Variants in LRP1 observed in about 807,000 individuals in gnomAD.
The protein encoded by LRP1 is prolow-density lipoprotein receptor-related protein 1.
A neutral mutation model predicts 541.5 loss-of-function variants in LRP1; 51 were observed. The ratio of observed to expected loss-of-function variants is 0.09; its 90% CI spans 0.08 to 0.12. The LOEUF (loss-of-function observed/expected upper bound fraction) is 0.12. Among genes scored for constraint, LRP1 ranks in the 10% least tolerant of loss-of-function variants. The pLI, the probability that LRP1 is intolerant of heterozygous loss-of-function variation, is 1.00. For synonymous variants in LRP1, 2,219 were observed against 2,470.8 expected (o/e 0.90, Z 3.02); for missense variants, 3,878 against 6,376.2 (o/e 0.61, Z 13.34).
At chr12:57,129,245 C>A in intron 1 of LRP1, 1 of 578,264 alleles carries the variant, frequency 1.7e-6, no homozygotes, top group South Asian at 2.1e-5. Context: ...CCCCCCAGCA[C>A]AAACAAAGAC....
At chr12:57,188,245 C>A (rs1315528025) in intron 42 of LRP1, among the ~76,000 whole-genome samples, 1 of 152,214 alleles carries the variant, frequency 6.6e-6, no homozygotes, top group East Asian at 1.9e-4. Context: ...GCTGTTTGGG[C>A]CTCTAGTGAG....
chr12:57,187,513 A>G, intron 42 of LRP1, 57 bp downstream of exon 42: 2 of 1,551,862 alleles, frequency 1.3e-6, no homozygotes, highest in Non-Finnish European at 1.7e-6. Context: ...GGGGTGGCAG[A>G]AACTCCCCAG....
chr12:57,150,317 G>A (rs991411523), intron 6 of LRP1, among the ~76,000 whole-genome samples: 6 of 149,640 alleles, frequency 4.0e-5, no homozygotes, highest in South Asian at 4.3e-4. Flanking sequence ...TCAGGCTCCC[G>A]AGTAGCTAGG....
Position 57,167,018 on chromosome 12 carries a change from G to T in LRP1, c.2886G>T (p.Gly962=), listed in dbSNP as rs773467352. 1.3e-5 allele frequency: 21 copies of T among 1,614,114 alleles called. No homozygotes were observed. Among genetic ancestry groups the T allele is most frequent in the Non-Finnish European group, 1.8e-5 (21 of 1,180,004 alleles). Residue 962 remains glycine, a synonymous_variant, in exon 18 of 89, where the codon GGG becomes GGT. Transcript: ENST00000243077. ...SWTCDLDDDC[G]DRSDESASCA... is the part of the protein sequence containing the mutation. ...CGTGTGATCTGGATGACGACTGTGG[G>T]GACCGCTCTGATGAGTCTGCTTCGT...
At chr12:57,195,198 G>T in intron 51 of LRP1, 73 bp from the exon 52 acceptor site, 1 of 1,595,174 alleles carries the variant, frequency 6.3e-7, no homozygotes. Context: ...AGACGACGGC[G>T]AACCATCACC....
Position 57,169,025 on chromosome 12 carries a change from G to C in LRP1, c.2996-115G>C, listed in dbSNP as rs562440304. On this transcript the variant is annotated intron_variant, in intron 19 of 88. Coordinates refer to ENST00000243077, the MANE Select transcript of LRP1 (RefSeq NM_002332.3). ...TTTTCTGTTTGTTATTTTCCCAGTGGGGGGGTTAGGGTGGGCTGAGGGTGG... is the reference window on the plus strand; with the variant it reads ...TTTTCTGTTTGTTATTTTCCCAGTGCGGGGGTTAGGGTGGGCTGAGGGTGG... The C allele has an allele frequency of 8.6e-6, 7 of 817,272 alleles. No individual in the cohort carries two copies. In the Admixed American group the frequency reaches 1.1e-4, roughly 13 times the overall value. The allele number at this position is 817,272 out of a possible 1,614,324, so 50.6% of individuals were successfully genotyped here.
chr12:57,181,107 C>T (rs1226754361), intron 33 of LRP1, 50 bp from the exon 34 acceptor site: 15 of 1,592,062 alleles, frequency 9.4e-6, no homozygotes, highest in Non-Finnish European at 1.3e-5. Flanking sequence ...ACCCTGAGGT[C>T]CCAAGGAGGG....
rs761379473 is a variant in LRP1 at position 57,205,143 on chromosome 12, CAAG to C, written c.11233_11235del (p.Lys3745del). ...CAGCCCACACCACCCACTGCAAAGA[CAAG>C]AAGGAGTTTCTGTGCCGGAACCAGC... is the stretch of plus-strand genomic sequence containing the variant. On this transcript the variant is annotated inframe_deletion, in exon 73 of 89. Transcript: ENST00000243077. This position sits in a 1 kb window ranked among gnomAD's most constrained non-coding sequence, Gnocchi z 4.6. The C allele has an allele frequency of 1.3e-5, 21 of 1,613,986 alleles. No individual in the cohort carries two copies. Among genetic ancestry groups the C allele is most frequent in the Non-Finnish European group, 1.6e-5 (19 of 1,179,996 alleles).
intron 1 of LRP1, among the ~76,000 whole-genome samples, chr12:57,136,369 C>G (rs954451732): frequency 6.6e-6 from 1 of 150,662 alleles, no homozygotes; most frequent in Non-Finnish European, 1.5e-5. Flanking sequence ...CAGTGAGGCT[C>G]CCATCAGACT....
In LRP1 at chr12:57,158,365, G is replaced by A. The variant is rs778944310; in HGVS notation, c.1562-37G>A. 4 of 1,526,862 alleles carry A rather than the reference G, an allele frequency of 2.6e-6. No homozygotes were observed. The South Asian group carries it at 3.6e-5, about 14-fold the overall frequency. The allele number at this position is 1,526,862 out of a possible 1,614,324, so 94.6% of individuals were successfully genotyped here. ...CCCTGGGTGGGGATGATGGTCATGT[G>A]TGTGTCTGACTGTACCCTGGCTTGT... On this transcript the variant is annotated intron_variant, in intron 10 of 88. Transcript: ENST00000243077. The surrounding 1 kb of genome is among the most constrained non-coding windows in gnomAD (Gnocchi z 5.3).
intron 31 of LRP1, 24 bp downstream of exon 31, chr12:57,180,165 C>G: frequency 6.2e-7 from 1 of 1,607,640 alleles, no homozygotes; most frequent in Admixed American, 1.7e-5. Flanking sequence ...TGCCCACCCC[C>G]ACAGCCCCTC....
intron 20 of LRP1, among the ~76,000 whole-genome samples, chr12:57,171,338 T>C (rs1208509213): frequency 6.6e-6 from 1 of 151,892 alleles, no homozygotes; most frequent in Non-Finnish European, 1.5e-5. Context: ...AGACTGCAGG[T>C]AAATGGACAG....
At position 57,179,293 on chromosome 12, in the gene LRP1, A is replaced by G. The variant is rs777417299; in HGVS notation, c.4739-36A>G. 3 of 1,496,804 alleles carry G rather than the reference A, an allele frequency of 2.0e-6. No individual in the cohort carries two copies. Among genetic ancestry groups the G allele is most frequent in the Non-Finnish European group, 2.8e-6 (3 of 1,077,408 alleles). The allele number at this position is 1,496,804 out of a possible 1,614,324, so 92.7% of individuals were successfully genotyped here. A position where few individuals can be genotyped will look rare whatever the true frequency, so the allele number is the denominator to read the frequency against. On this transcript the variant is annotated intron_variant, in intron 28 of 88. Coordinates refer to ENST00000243077, the MANE Select transcript of LRP1 (RefSeq NM_002332.3). This position sits in a 1 kb window ranked among gnomAD's most constrained non-coding sequence, Gnocchi z 6.8. ...CCGGATTGGTGGGAAGCACAGAGGCAGGGACTGCCTTCAGTGACCAGCCCA... is the reference window on the plus strand; with the variant it reads ...CCGGATTGGTGGGAAGCACAGAGGCGGGGACTGCCTTCAGTGACCAGCCCA...
At chr12:57,133,907 G>C (rs2035095347) in intron 1 of LRP1, among the ~76,000 whole-genome samples, 1 of 152,010 alleles carries the variant, frequency 6.6e-6, no homozygotes, top group Admixed American at 6.5e-5. Flanking sequence ...CTCCTCTGGA[G>C]AAGACTCCTT....
intron 13 of LRP1, among the ~76,000 whole-genome samples, chr12:57,161,778 C>G (rs1051631563): frequency 1.3e-5 from 2 of 152,104 alleles, no homozygotes; most frequent in Admixed American, 6.5e-5. Context: ...CAGGGGCTAC[C>G]TCCCCTAGGA....
chr12:57,152,464 T>C (rs1431824709), intron 6 of LRP1, among the ~76,000 whole-genome samples: 1 of 152,012 alleles, frequency 6.6e-6, no homozygotes, highest in East Asian at 1.9e-4. Context: ...TGCAGGCAGG[T>C]CCCTGCTTTG....
intron 1 of LRP1, among the ~76,000 whole-genome samples, chr12:57,131,055 C>T (rs1269761932): frequency 6.6e-6 from 1 of 152,160 alleles, no homozygotes; most frequent in East Asian, 1.9e-4. Flanking sequence ...CCTAGGGGAT[C>T]CCTTATCCCT....
rs573959621 is a variant in LRP1, at chr12:57,171,457, C to T, written c.3164-1711C>T. Among the ~76,000 whole-genome samples the T allele has an allele frequency of 7.2e-5, 11 of 152,184 alleles. No homozygotes were observed. The South Asian group carries it at 2.3e-3, about 32-fold the overall frequency. ...GGGTGACAGTGGGGCCAGGTGGAGC[C>T]GTTCAGACCGAGGGAAAGGCTCGTG... On this transcript the variant is annotated intron_variant, in intron 20 of 88. Coordinates refer to ENST00000243077, the MANE Select transcript of LRP1 (RefSeq NM_002332.3).
At position 57,154,785 on chromosome 12, in the gene LRP1, C is replaced by T. The variant is rs527259173; in HGVS notation, c.1227+84C>T. The T allele has an allele frequency of 2.7e-5, 35 of 1,274,064 alleles. No homozygotes were observed. Among genetic ancestry groups the T allele is most frequent in the South Asian group, 6.4e-5 (5 of 78,582 alleles). 78.9% of individuals were successfully genotyped at this position (1,274,064 alleles called of 1,614,324 possible). A position where few individuals can be genotyped will look rare whatever the true frequency, so the allele number is the denominator to read the frequency against. On this transcript the variant is annotated intron_variant, in intron 8 of 88. Transcript: ENST00000243077. This position sits in a 1 kb window ranked among gnomAD's most constrained non-coding sequence, Gnocchi z 4.6. ...AGGGGGGAAGCCTCTGTAGGGGAAC[C>T]GTTCTCTGAGTCTCCTGGTAAAGAG...
Sources: allele counts gnomAD v4.1 joint callset (sites outside exome capture counted in the v4.1 genomes callset), GRCh38; gene constraint gnomAD v4.1.1; non-coding constraint Gnocchi (gnomAD v3.1); transcripts MANE v1.5; gene names NCBI Gene and HGNC (gene_info 2026-07-23, HGNC 2026-07-21).